The following ENOX1 variants were observed in gnomAD, a reference collection of about 807,000 sequenced individuals.
The protein encoded by ENOX1 is ecto-NOX disulfide-thiol exchanger 1, also known as candidate growth-related and time keeping constitutive hydroquinone (NADH) oxidase.
Under a neutral mutation model 82.5 loss-of-function variants are expected in ENOX1, and 42 were observed. That is an observed-to-expected ratio of 0.51 (90% CI 0.40 to 0.66). The LOEUF (loss-of-function observed/expected upper bound fraction) is 0.66, where lower values mean the gene tolerates loss of function less well. Among genes scored for constraint, ENOX1 ranks in the 30% least tolerant of loss-of-function variants. The pLI is 0.00. For synonymous variants in ENOX1, 271 were observed against 282.2 expected, an observed-to-expected ratio of 0.96 and a Z score of 0.40; for missense variants, 608 against 811.6, an observed-to-expected ratio of 0.75 and a Z score of 3.05.
At chr13:43,575,628 A>G (rs1250199921) in intron 2 of ENOX1, among the ~76,000 whole-genome samples, 1 of 152,208 alleles carries the variant, frequency 6.6e-6, no homozygotes, top group Non-Finnish European at 1.5e-5. Flanking sequence ...ATGCTTTTAT[A>G]TTGTGGTTAT....
intron 14 of ENOX1, among the ~76,000 whole-genome samples, chr13:43,264,206 C>T (rs911105783): frequency 1.3e-5 from 2 of 152,192 alleles, no homozygotes; most frequent in Non-Finnish European, 2.9e-5. Context: ...AAAGGAAGCT[C>T]AGAGAGGTTA....
intron 1 of ENOX1, among the ~76,000 whole-genome samples, chr13:43,779,236 C>A (rs1362656445): frequency 2.0e-5 from 3 of 149,904 alleles, no homozygotes; most frequent in Non-Finnish European, 4.4e-5. Flanking sequence ...GTTGAAGAAG[C>A]CAACCTTGTG....
At chr13:43,444,871 GTACCTCTTCCC>G (rs1287023885) in intron 3 of ENOX1, among the ~76,000 whole-genome samples, 1 of 152,156 alleles carries the variant, frequency 6.6e-6, no homozygotes, top group Non-Finnish European at 1.5e-5. Context: ...CGTGCCACCC[GTACCTCTTCCC>G]TGGGCATGTG....
chr13:43,705,907 G>A (rs2087248943), intron 1 of ENOX1, among the ~76,000 whole-genome samples: 1 of 151,882 alleles, frequency 6.6e-6, no homozygotes, highest in Non-Finnish European at 1.5e-5. Context: ...TAATGAGACA[G>A]ACTATATATT....
chr13:43,625,388 A>C (rs532722661), intron 2 of ENOX1, among the ~76,000 whole-genome samples: 2 of 152,116 alleles, frequency 1.3e-5, no homozygotes, highest in African/African-American at 4.8e-5. Flanking sequence ...AAGAGTAGTG[A>C]GATTGAATAT....
intron 1 of ENOX1, among the ~76,000 whole-genome samples, chr13:43,732,232 A>T (rs1310309435): frequency 6.6e-6 from 1 of 152,202 alleles, no homozygotes; most frequent in Non-Finnish European, 1.5e-5. Context: ...TACAGGATGG[A>T]TAAGACGAAC....
intron 3 of ENOX1, among the ~76,000 whole-genome samples, chr13:43,461,545 T>C (rs558122895): frequency 1.4e-4 from 21 of 152,206 alleles, no homozygotes; most frequent in Admixed American, 5.2e-4. Context: ...ATAAGTAGAA[T>C]ATATGAAAGG....
intron 3 of ENOX1, among the ~76,000 whole-genome samples, chr13:43,467,526 T>TTTTAAAATTTTAAAATTTA (rs1555288423): frequency 3.4e-5 from 5 of 148,008 alleles, no homozygotes; most frequent in African/African-American, 1.3e-4. Context: ...TTTAAAATTT[T>TTTTAAAATTTTAAAATTTA]AAATTTTAAA....
At chr13:43,716,605 G>C (rs959304684) in intron 1 of ENOX1, among the ~76,000 whole-genome samples, 1 of 152,146 alleles carries the variant, frequency 6.6e-6, no homozygotes, top group South Asian at 2.1e-4. Context: ...TCTCTTTGCT[G>C]ACAATATAAT....
At chr13:43,782,203 G>C (rs563074967) in intron 1 of ENOX1, among the ~76,000 whole-genome samples, 1 of 152,268 alleles carries the variant, frequency 6.6e-6, no homozygotes, top group Admixed American at 6.5e-5. Flanking sequence ...ATAGGAGAGG[G>C]AAGTTAATTA....
chr13:43,543,439 G>A (rs1202829998), intron 2 of ENOX1, among the ~76,000 whole-genome samples: 1 of 151,882 alleles, frequency 6.6e-6, no homozygotes, highest in Non-Finnish European at 1.5e-5. Context: ...TATTGTGTGG[G>A]TATATGTAAA....
chr13:43,552,887 T>C (rs367950319), intron 2 of ENOX1, among the ~76,000 whole-genome samples: 8 of 152,272 alleles, frequency 5.3e-5, no homozygotes, highest in African/African-American at 1.7e-4. Context: ...CTAGGAGAAT[T>C]AGGGAGGAGC....
intron 2 of ENOX1, among the ~76,000 whole-genome samples, chr13:43,568,468 A>G (rs970279274): frequency 2.0e-5 from 3 of 152,178 alleles, no homozygotes; most frequent in Non-Finnish European, 2.9e-5. Context: ...TGAGAAAATA[A>G]TACTTTAACC....
intron 1 of ENOX1, among the ~76,000 whole-genome samples, chr13:43,777,434 AGATT>A (rs1339271976): frequency 1.3e-4 from 20 of 152,242 alleles, no homozygotes; most frequent in Admixed American, 1.2e-3. Flanking sequence ...AATCTGAATA[AGATT>A]GATGGATTGT....
intron 5 of ENOX1, among the ~76,000 whole-genome samples, chr13:43,406,465 T>C (rs2053801364): frequency 1.3e-5 from 2 of 151,532 alleles, no homozygotes; most frequent in Non-Finnish European, 2.9e-5. Context: ...GATGTGGCTC[T>C]ATGTAGTTAA....
At chr13:43,308,073 T>C (rs1483066832) in intron 11 of ENOX1, among the ~76,000 whole-genome samples, 2 of 152,222 alleles carry the variant, frequency 1.3e-5, no homozygotes, top group Admixed American at 6.5e-5. Context: ...AGTTCCTGTC[T>C]ATTCTCCTAG....
At position 43,412,853 on chromosome 13, in the gene ENOX1, A is replaced by T; in HGVS notation, c.62T>A (p.Met21Lys). 6.2e-7 allele frequency: 1 copy of T among 1,614,090 alleles called. No individual in the cohort carries two copies. Among genetic ancestry groups the T allele is most frequent in the South Asian group, 1.1e-5 (1 of 91,080 alleles). Reference protein sequence around the residue: ...TQLPQELPQMMAAAADGLGSI... With the variant: ...TQLPQELPQMKAAAADGLGSI... ...TGGCCACTGGCATTTACCTGCAGCC[A>T]TCATCTGAGGAAGCTCCTGGGGAAG... Residue 21 changes from methionine (M) to lysine (K), a missense_variant, in exon 4 of 17, where the codon ATG (methionine) becomes AAG (lysine). Coordinates refer to ENST00000690772, the MANE Select transcript of ENOX1 (RefSeq NM_001347969.2).
chr13:43,665,887 C>A (rs938679208), intron 2 of ENOX1, among the ~76,000 whole-genome samples: 2 of 149,052 alleles, frequency 1.3e-5, no homozygotes, highest in African/African-American at 5.0e-5. Context: ...CCTTGCCATT[C>A]GCTAATTCAA....
chr13:43,664,868 T>C (rs909637097), intron 2 of ENOX1, among the ~76,000 whole-genome samples: 1 of 152,224 alleles, frequency 6.6e-6, no homozygotes, highest in African/African-American at 2.4e-5. Flanking sequence ...AATGCTAAAA[T>C]GAATTTCTAC....
Sources: allele counts gnomAD v4.1 joint callset (sites outside exome capture counted in the v4.1 genomes callset), GRCh38; gene constraint gnomAD v4.1.1; transcripts MANE v1.5; gene names NCBI Gene and HGNC (gene_info 2026-07-23, HGNC 2026-07-21).